Variants in C10orf67 observed in about 807,000 individuals in gnomAD.
C10orf67 encodes chromosome 10 open reading frame 67.
C10orf67 carries 60 observed loss-of-function variants against 35.6 expected under a neutral mutation model. The ratio of observed to expected loss-of-function variants is 1.68; its 90% CI spans 1.37 to 2.09. The LOEUF is 2.09. Among genes scored for constraint, C10orf67 ranks in the 30% most tolerant of loss-of-function variants. The pLI, the probability that C10orf67 is intolerant of heterozygous loss-of-function variation, is 0.00. For synonymous variants in C10orf67, 167 were observed against 115.8 expected (o/e 1.44, Z -2.84); for missense variants, 474 against 330.2 (o/e 1.44, Z -3.38).
At chr10:23,207,151 CTTTT>C (rs10718721) in intron 15 of C10orf67, among the ~76,000 whole-genome samples, 1 of 139,428 alleles carries the variant, frequency 7.2e-6, no homozygotes, top group Non-Finnish European at 1.6e-5. Context: ...TTCCTAAAGG[CTTTT>C]TTTTTTTTTT....
chr10:23,260,162 A>G (rs1248706104), intron 10 of C10orf67, among the ~76,000 whole-genome samples: 2 of 152,160 alleles, frequency 1.3e-5, no homozygotes, highest in African/African-American at 4.8e-5. Flanking sequence ...AGACATTACA[A>G]ACAGAGAAAC....
intron 12 of C10orf67, among the ~76,000 whole-genome samples, chr10:23,242,183 C>T (rs187369368): frequency 3.8e-4 from 58 of 152,126 alleles, no homozygotes; most frequent in Non-Finnish European, 6.2e-4. Flanking sequence ...TGTTGTGAGG[C>T]TGGTCTTGAA....
intron 8 of C10orf67, among the ~76,000 whole-genome samples, chr10:23,278,557 A>G (rs1196744038): frequency 6.6e-6 from 1 of 152,224 alleles, no homozygotes; most frequent in Non-Finnish European, 1.5e-5. Context: ...AGCAGGTAAG[A>G]TAACAGGCCA....
intron 12 of C10orf67, among the ~76,000 whole-genome samples, chr10:23,242,434 T>C (rs983144689): frequency 4.0e-5 from 6 of 151,866 alleles, no homozygotes; most frequent in African/African-American, 1.2e-4. Context: ...AAACAAAAAA[T>C]GAAAGAGAGC....
chr10:23,312,849 T>A (rs939936464), intron 4 of C10orf67, among the ~76,000 whole-genome samples: 5 of 152,136 alleles, frequency 3.3e-5, no homozygotes, highest in African/African-American at 1.2e-4. Flanking sequence ...ATCCAATAGG[T>A]TGAAGGCCTT....
At chr10:23,310,704 G>T (rs1167903795) in intron 4 of C10orf67, among the ~76,000 whole-genome samples, 1 of 152,174 alleles carries the variant, frequency 6.6e-6, no homozygotes, top group African/African-American at 2.4e-5. Flanking sequence ...TCAGACCCAG[G>T]AATGCTTGTC....
intron 10 of C10orf67, among the ~76,000 whole-genome samples, chr10:23,253,569 C>T (rs1842519709): frequency 6.6e-6 from 1 of 151,968 alleles, no homozygotes; most frequent in African/African-American, 2.4e-5. Flanking sequence ...ATTAGGAAAA[C>T]AAATCAGTAG....
At chr10:23,242,163 G>A (rs570769442) in intron 12 of C10orf67, among the ~76,000 whole-genome samples, 2 of 152,048 alleles carry the variant, frequency 1.3e-5, no homozygotes, top group South Asian at 4.1e-4. Context: ...GTAGAGATGG[G>A]GTTTCACTGT....
At chr10:23,229,404 AG>A (rs1841841218) in intron 13 of C10orf67, among the ~76,000 whole-genome samples, 3 of 124,582 alleles carry the variant, frequency 2.4e-5, no homozygotes, top group African/African-American at 9.2e-5. Context: ...GGACACAGGA[AG>A]GGGGACATCA....
chr10:23,214,711 G>A (rs1404127539), intron 15 of C10orf67, among the ~76,000 whole-genome samples: 8 of 152,098 alleles, frequency 5.3e-5, no homozygotes, highest in East Asian at 1.9e-4. Context: ...ACAAACAAAC[G>A]GTAAATATAT....
At chr10:23,284,711 AC>A (rs1454987703) in intron 7 of C10orf67, among the ~76,000 whole-genome samples, 1 of 151,856 alleles carries the variant, frequency 6.6e-6, no homozygotes, top group African/African-American at 2.4e-5. Flanking sequence ...AAACAAACAA[AC>A]AAACAAACAA....
At chr10:23,276,852 T>C (rs376308708) in intron 8 of C10orf67, among the ~76,000 whole-genome samples, 6 of 152,206 alleles carry the variant, frequency 3.9e-5, no homozygotes, top group African/African-American at 1.4e-4. Context: ...GTATTAGTAT[T>C]AGTAAATGTA....
intron 10 of C10orf67, among the ~76,000 whole-genome samples, chr10:23,265,489 A>AT (rs1023080290): frequency 6.6e-6 from 1 of 152,234 alleles, no homozygotes; most frequent in African/African-American, 2.4e-5. Flanking sequence ...GACATTGGCC[A>AT]TATGTGTCAC....
At chr10:23,224,799 G>T (rs926586012) in intron 13 of C10orf67, among the ~76,000 whole-genome samples, 2 of 152,180 alleles carry the variant, frequency 1.3e-5, no homozygotes, top group Non-Finnish European at 2.9e-5. Flanking sequence ...TCAAATGAAT[G>T]AAATGAAGCG....
Position 23,296,945 on chromosome 10 carries a change from C to T in C10orf67, c.703-5666G>A, listed in dbSNP as rs192384568. 3.9e-5 allele frequency among the ~76,000 whole-genome samples: 6 copies of T among 152,292 alleles called. 1 individual carries two copies. The highest frequency in any genetic ancestry group is 8.8e-5 in the Non-Finnish European group (6 of 68,024). On this transcript the variant is annotated intron_variant, in intron 5 of 15. Coordinates refer to ENST00000636213, the MANE Select transcript of C10orf67 (RefSeq NM_001371909.1). ...TAATAATTTGGCCACCTGATGGGTGCTATTAATGCCTAAGTGAAAGGTTTG... is the reference window on the plus strand; with the variant it reads ...TAATAATTTGGCCACCTGATGGGTGTTATTAATGCCTAAGTGAAAGGTTTG...
chr10:23,208,788 T>C (rs559423916), intron 15 of C10orf67, among the ~76,000 whole-genome samples: 3 of 152,292 alleles, frequency 2.0e-5, no homozygotes, highest in East Asian at 1.9e-4. Context: ...CTTTGGCTAA[T>C]GGGATAAGAG....
intron 1 of C10orf67, among the ~76,000 whole-genome samples, chr10:23,333,561 G>A (rs1055457701): frequency 2.0e-5 from 3 of 152,176 alleles, no homozygotes; most frequent in African/African-American, 7.2e-5. Flanking sequence ...AGTATGGGCC[G>A]AGGACCCCTG....
At chr10:23,219,664 C>T (rs1020146129) in intron 15 of C10orf67, among the ~76,000 whole-genome samples, 6 of 152,116 alleles carry the variant, frequency 3.9e-5, no homozygotes, top group African/African-American at 1.4e-4. Context: ...CACCACTTGA[C>T]TTTCTTGTTC....
intron 4 of C10orf67, among the ~76,000 whole-genome samples, chr10:23,312,152 T>C (rs1215863285): frequency 6.6e-6 from 1 of 152,232 alleles, no homozygotes; most frequent in Non-Finnish European, 1.5e-5. Context: ...CCAGTTAAAG[T>C]ATTAATATGC....
Sources: allele counts gnomAD v4.1 joint callset (sites outside exome capture counted in the v4.1 genomes callset), GRCh38; gene constraint gnomAD v4.1.1; transcripts MANE v1.5; gene names NCBI Gene and HGNC (gene_info 2026-07-23, HGNC 2026-07-21).